PTPRQ: variants seen among roughly 807,000 people sequenced by gnomAD.
PTPRQ encodes phosphatidylinositol phosphatase PTPRQ.
PTPRQ carries 199 observed loss-of-function variants against 246.0 expected under a neutral mutation model. The observed-to-expected ratio is 0.81, with a 90% CI of 0.72 to 0.91. The LOEUF is 0.91. Among genes scored for constraint, PTPRQ ranks in the 40% least tolerant of loss-of-function variants. The probability of loss-of-function intolerance (pLI) is 0.00; values close to 1 mark genes in which losing one functional copy is unlikely to be tolerated. For synonymous variants in PTPRQ, 869 were observed against 853.2 expected (o/e 1.02, Z -0.32); for missense variants, 2,624 against 2,528.4 (o/e 1.04, Z -0.81).
chr12:80,522,470 G>A (rs535354064), intron 17 of PTPRQ, among the ~76,000 whole-genome samples: 3 of 152,148 alleles, frequency 2.0e-5, no homozygotes, highest in East Asian at 3.9e-4. Context: ...TCCAGTTTTT[G>A]CCCATTCAGT....
chr12:80,661,860 A>G (rs1350047470), intron 39 of PTPRQ, among the ~76,000 whole-genome samples: 1 of 151,900 alleles, frequency 6.6e-6, no homozygotes, highest in Non-Finnish European at 1.5e-5. Flanking sequence ...TCCTTATTTT[A>G]CAAATAGTAT....
At chr12:80,507,948 A>G (rs982747286) in intron 16 of PTPRQ, among the ~76,000 whole-genome samples, 1 of 151,978 alleles carries the variant, frequency 6.6e-6, no homozygotes, top group African/African-American at 2.4e-5. Context: ...AATAGTACCC[A>G]CTTCTTTATA....
chr12:80,595,133 T>C (rs1413160467), intron 26 of PTPRQ, among the ~76,000 whole-genome samples: 1 of 152,176 alleles, frequency 6.6e-6, no homozygotes, highest in African/African-American at 2.4e-5. Context: ...CGCTATGTTT[T>C]TAAGTATCTC....
intron 9 of PTPRQ, among the ~76,000 whole-genome samples, 196 bp downstream of exon 9, chr12:80,484,801 T>C (rs1307997336): frequency 6.6e-6 from 1 of 152,170 alleles, no homozygotes. Context: ...TTAAGTGCTA[T>C]TATTCCTTTT....
intron 34 of PTPRQ, chr12:80,634,739 T>C (rs779606653): frequency 2.1e-5 from 13 of 632,956 alleles, no homozygotes; most frequent in Admixed American, 8.5e-5. Context: ...CAATAACTTA[T>C]TAGAAAAAAA....
intron 14 of PTPRQ, among the ~76,000 whole-genome samples, chr12:80,499,163 A>G (rs4265648): frequency 0.85 from 128,679 of 151,468 alleles, 55,522 homozygotes; most frequent in Non-Finnish European, 0.93. Context: ...TACAGGCCTC[A>G]CTTAATAGGC....
chr12:80,491,200 A>C (rs577400050), intron 9 of PTPRQ, among the ~76,000 whole-genome samples: 1 of 152,094 alleles, frequency 6.6e-6, no homozygotes, highest in African/African-American at 2.4e-5. Context: ...GGGATAGAAA[A>C]TATTGAGAGA....
chr12:80,472,043 A>G, intron 7 of PTPRQ, 62 bp from the exon 8 acceptor site: 1 of 1,539,730 alleles, frequency 6.5e-7, no homozygotes, highest in East Asian at 2.5e-5. Context: ...TCTGTACTTA[A>G]ATGTGAACAT....
intron 25 of PTPRQ, among the ~76,000 whole-genome samples, chr12:80,577,304 C>G (rs921179622): frequency 6.6e-6 from 1 of 152,154 alleles, no homozygotes; most frequent in African/African-American, 2.4e-5. Flanking sequence ...AAAAAGGGAA[C>G]CAAACACCTC....
chr12:80,467,085 A>G (rs192814097), intron 6 of PTPRQ, among the ~76,000 whole-genome samples: 7 of 152,370 alleles, frequency 4.6e-5, no homozygotes, highest in African/African-American at 1.4e-4. Flanking sequence ...TCAGAATGGG[A>G]GAAAATTTTC....
At chr12:80,607,248 T>G (rs985565974) in intron 27 of PTPRQ, among the ~76,000 whole-genome samples, 2 of 150,902 alleles carry the variant, frequency 1.3e-5, no homozygotes, top group African/African-American at 4.8e-5. Context: ...AAGACTTGGC[T>G]AAAACTAACA....
intron 20 of PTPRQ, 29 bp downstream of exon 20, chr12:80,539,973 A>G (rs1270013037): frequency 1.4e-5 from 20 of 1,414,362 alleles, no homozygotes; most frequent in African/African-American, 3.0e-5. Context: ...CTAATCTTTA[A>G]TATGATTAAT....
intron 39 of PTPRQ, among the ~76,000 whole-genome samples, chr12:80,667,130 C>T (rs947488954): frequency 7.2e-5 from 11 of 152,100 alleles, no homozygotes; most frequent in African/African-American, 2.6e-4. Flanking sequence ...ATCTGTTACT[C>T]TTCCCCCTCA....
In PTPRQ at chr12:80,618,936, A is replaced by G. The variant is rs148194791; in HGVS notation, c.5231-448A>G. ...TGATTATGTGAACATGGAAAAAAATATGGGATGCTATCATCTAGATGTTTA... is the reference window on the plus strand; with the variant it reads ...TGATTATGTGAACATGGAAAAAAATGTGGGATGCTATCATCTAGATGTTTA... On this transcript the variant is annotated intron_variant, in intron 30 of 44. Coordinates refer to ENST00000644991, the MANE Select transcript of PTPRQ (RefSeq NM_001145026.2). Among the ~76,000 whole-genome samples the G allele has an allele frequency of 9.2e-4, 139 of 151,722 alleles. 1 individual carries two copies. Among genetic ancestry groups the G allele is most frequent in the African/African-American group, 3.2e-3 (133 of 41,506 alleles).
intron 16 of PTPRQ, among the ~76,000 whole-genome samples, chr12:80,508,436 G>A (rs878867634): frequency 4.6e-5 from 7 of 152,102 alleles, no homozygotes; most frequent in South Asian, 4.1e-4. Flanking sequence ...GAGGTAAAGC[G>A]TAGCGGTGGA....
intron 17 of PTPRQ, among the ~76,000 whole-genome samples, chr12:80,524,488 C>T (rs1042753706): frequency 6.6e-5 from 10 of 152,034 alleles, no homozygotes; most frequent in African/African-American, 1.7e-4. Flanking sequence ...TTATCAGCAG[C>T]GTAAAAACAG....
In PTPRQ at chr12:80,541,586, C is replaced by T. The variant is rs61729275; in HGVS notation, c.3186C>T (p.Tyr1062=). The change falls in exon 21 of 45, where the codon TAC becomes TAT. Residue 1062 remains tyrosine, a synonymous_variant. Coordinates refer to ENST00000644991, the MANE Select transcript of PTPRQ (RefSeq NM_001145026.2). ...AAGGGTTTGTTGGAAACCTGACTTACGAATCCATTTCGTCAACTGCAATAA... is the reference window on the plus strand; with the variant it reads ...AAGGGTTTGTTGGAAACCTGACTTATGAATCCATTTCGTCAACTGCAATAA... ...IPEGFVGNLT[Y]ESISSTAINV... is the part of the protein sequence containing the mutation. 0.053 allele frequency: 81,262 copies of T among 1,535,888 alleles called. 2,482 individuals carry two copies. The highest frequency in any genetic ancestry group is 0.096 in the Middle Eastern group (563 of 5,892).
Position 80,546,690 on chromosome 12 carries a change from A to C in PTPRQ, c.4008A>C (p.Gln1336His). Residue 1336 changes from glutamine (Q) to histidine (H), a missense_variant, in exon 24 of 45, where the codon CAA (glutamine) becomes CAC (histidine). By Grantham distance (24) the Gln-to-His change is conservative. Transcript: ENST00000644991. ...GTAATGTAGTAAAATTCACAACCCAAGAATCAGGTTAGATACAGTTTTTGA... is the reference window on the plus strand; with the variant it reads ...GTAATGTAGTAAAATTCACAACCCACGAATCAGGTTAGATACAGTTTTTGA... The part of the protein sequence containing the change: ...QFSNVVKFTT[Q>H]ESVPDVVQNM... The C allele has an allele frequency of 7.1e-6, 11 of 1,550,932 alleles. No individual in the cohort carries two copies. The highest frequency in any genetic ancestry group is 9.6e-6 in the Non-Finnish European group (11 of 1,146,706).
chr12:80,508,824 G>A (rs758997577), intron 16 of PTPRQ, among the ~76,000 whole-genome samples: 6 of 151,750 alleles, frequency 4.0e-5, no homozygotes, highest in Admixed American at 6.6e-5. Flanking sequence ...TAAAATATTC[G>A]GAGATCTACT....
Sources: gnomAD v4.1 joint callset for allele counts (sites outside exome capture counted in the v4.1 genomes callset) on GRCh38, gnomAD v4.1.1 for gene constraint, MANE v1.5 for transcripts, NCBI Gene and HGNC (gene_info 2026-07-23, HGNC 2026-07-21) for gene names.